The following FAAH variants were observed in gnomAD, a reference collection of about 807,000 sequenced individuals.
FAAH encodes the protein fatty-acid amide hydrolase 1.
A neutral mutation model predicts 69.7 loss-of-function variants in FAAH; 63 were observed. The observed-to-expected ratio is 0.90, with a 90% CI of 0.74 to 1.12. The LOEUF (loss-of-function observed/expected upper bound fraction) is 1.12. FAAH is among the 50% of genes most tolerant of loss of function. The probability of loss-of-function intolerance (pLI) is 0.00; values close to 1 mark genes in which losing one functional copy is unlikely to be tolerated. For missense variants in FAAH, 680 were observed against 755.0 expected (o/e 0.90, Z 1.16); for synonymous variants, 305 against 324.2 (o/e 0.94, Z 0.64).
At position 46,394,551 on chromosome 1, in the gene FAAH, C is replaced by G; in HGVS notation, c.195+8C>G. ...CAGCGCTTCCGGCTCCAGGTGACTGCCGGAGCGTAGTGGGATGGGCGCGGC... is the reference window on the plus strand; with the variant it reads ...CAGCGCTTCCGGCTCCAGGTGACTGGCGGAGCGTAGTGGGATGGGCGCGGC... On this transcript the variant is annotated splice_region_variant and intron_variant, in intron 1 of 14. Transcript: ENST00000243167. The G allele has an allele frequency of 7.4e-7, 1 of 1,347,788 alleles. No homozygotes were observed. Among genetic ancestry groups the G allele is most frequent in the East Asian group, 3.1e-5 (1 of 32,494 alleles). The allele number at this position is 1,347,788 out of a possible 1,614,324, so 83.5% of individuals were successfully genotyped here.
At position 46,405,821 on chromosome 1, in the gene FAAH, GCCC is replaced by G; in HGVS notation, c.785+29_785+31del. On this transcript the variant is annotated intron_variant, in intron 5 of 14. Coordinates refer to ENST00000243167, the MANE Select transcript of FAAH (RefSeq NM_001441.3). The surrounding 1 kb of genome is among the most constrained non-coding windows in gnomAD (Gnocchi z 4.1). ...TAAGGTGGGTGGAGGGCGCTTCTGG[GCCC>G]CTCGCTGTGTGACCTTGGCCTAGCT... The G allele has an allele frequency of 6.2e-7, 1 of 1,611,984 alleles. No individual in the cohort carries two copies. Among genetic ancestry groups the G allele is most frequent in the Non-Finnish European group, 8.5e-7 (1 of 1,179,430 alleles).
In FAAH at chr1:46,412,225, A is replaced by C. The variant is rs1052167250; in HGVS notation, c.1439A>C (p.Asp480Ala). 1.3e-6 allele frequency: 2 copies of C among 1,555,132 alleles called. No individual in the cohort carries two copies. The highest frequency in any genetic ancestry group is 1.7e-6 in the Non-Finnish European group (2 of 1,149,088). ...ACCCCCATGCTGGCCCCTGCTCTGG[A>C]CTTGAATGCCCCAGGCAGGGCCACA... ...VLTPMLAPAL[D>A]LNAPGRATGA... Residue 480 changes from aspartate to alanine, a missense_variant, in exon 13 of 15, where the codon GAC (aspartate) becomes GCC (alanine). Coordinates refer to ENST00000243167, the MANE Select transcript of FAAH (RefSeq NM_001441.3).
chr1:46,405,981 T>A lies in FAAH; in HGVS notation c.786-57T>A. The A allele has an allele frequency of 1.2e-6, 2 of 1,613,760 alleles. No homozygotes were observed. Among genetic ancestry groups the A allele is most frequent in the South Asian group, 2.2e-5 (2 of 91,068 alleles). ...AGTGTTCAGAGCTGCTCTGTGGGTG[T>A]GGGGATGGCGGCGGGTGGCCATTTC... On this transcript the variant is annotated intron_variant, in intron 5 of 14. Coordinates refer to ENST00000243167, the MANE Select transcript of FAAH (RefSeq NM_001441.3). The surrounding 1 kb of genome is among the most constrained non-coding windows in gnomAD (Gnocchi z 4.1).
Position 46,394,523 on chromosome 1 carries a change from G to T in FAAH, c.175G>T (p.Ala59Ser). 7.3e-7 allele frequency: 1 copy of T among 1,376,412 alleles called. No homozygotes were observed. The allele number at this position is 1,376,412 out of a possible 1,614,324, so 85.3% of individuals were successfully genotyped here. ...GGGCCTGGAGAACATGGACAGGGCG[G>T]CGCAGCGCTTCCGGCTCCAGGTGAC... The part of the protein sequence containing the change: ...RAGLENMDRA[A>S]QRFRLQNPDL... The change falls in exon 1 of 15, where the codon GCG becomes TCG. Residue 59 changes from alanine to serine, a missense_variant. Transcript: ENST00000243167.
Position 46,405,842 on chromosome 1 carries a change from G to T in FAAH, c.785+48G>T. 1 of 1,609,502 alleles carries T rather than the reference G, an allele frequency of 6.2e-7. No individual in the cohort carries two copies. Among genetic ancestry groups the T allele is most frequent in the African/African-American group, 1.3e-5 (1 of 74,952 alleles). ...CTGGGCCCCTCGCTGTGTGACCTTG[G>T]CCTAGCTTCCAACCTCTCTGGGCTC... is the stretch of plus-strand genomic sequence containing the variant. On this transcript the variant is annotated intron_variant, in intron 5 of 14. Coordinates refer to ENST00000243167, the MANE Select transcript of FAAH (RefSeq NM_001441.3). This position sits in a 1 kb window ranked among gnomAD's most constrained non-coding sequence, Gnocchi z 4.1.
rs78460324 is a variant in FAAH, at chr1:46,407,925, G to A, written c.952-534G>A. On this transcript the variant is annotated intron_variant, in intron 7 of 14. Coordinates refer to ENST00000243167, the MANE Select transcript of FAAH (RefSeq NM_001441.3). ...GTGGACGGGAAGGAGAGTGGGCCTT[G>A]GTGTTTCTTGGGAGTGGGGCAGCAG... is the stretch of plus-strand genomic sequence containing the variant. Among the ~76,000 whole-genome samples the A allele has an allele frequency of 2.0e-3, 299 of 152,286 alleles. 5 individuals are homozygous for A. In the Middle Eastern group the frequency reaches 0.037, roughly 19 times the overall value.
At position 46,394,361 on chromosome 1, in the gene FAAH, G is replaced by T; in HGVS notation, c.13G>T (p.Glu5Ter). MVQY[E>*]LWAALPGASG... is the part of the protein sequence containing the mutation. Reference sequence around the variant, plus strand: ...GGCTGAAGGGATCATGGTGCAGTACGAGCTGTGGGCCGCGCTGCCTGGCGC... The same window carrying T: ...GGCTGAAGGGATCATGGTGCAGTACTAGCTGTGGGCCGCGCTGCCTGGCGC... Residue 5 changes from glutamate to a stop codon, truncating the protein, a stop_gained, in exon 1 of 15, where the codon GAG becomes TAG. Coordinates refer to ENST00000243167, the MANE Select transcript of FAAH (RefSeq NM_001441.3). LOFTEE classifies it high-confidence loss of function. 6.4e-7 allele frequency: 1 copy of T among 1,554,414 alleles called. No homozygotes were observed. Among genetic ancestry groups the T allele is most frequent in the African/African-American group, 1.4e-5 (1 of 70,468 alleles).
At chr1:46,409,676 G>A (rs993939731) in intron 9 of FAAH, among the ~76,000 whole-genome samples, 5 of 152,128 alleles carry the variant, frequency 3.3e-5, no homozygotes, top group Non-Finnish European at 5.9e-5. Context: ...AGAGAAGTTC[G>A]TTCCTCTGGG....
At chr1:46,406,429 T>C (rs1229172740) in intron 7 of FAAH, 61 bp downstream of exon 7, 3 of 1,609,320 alleles carry the variant, frequency 1.9e-6, no homozygotes, top group Non-Finnish European at 2.5e-6. Flanking sequence ...ACCCCAGGCC[T>C]TGTGGGCAGG....
chr1:46,405,801 TG>T lies in FAAH; in HGVS notation c.785+10del, dbSNP rs1207199306. ...CCACAGGGAACCGCCTCAGGTAAGG[TG>T]GGTGGAGGGCGCTTCTGGGCCCCTC... On this transcript the variant is annotated splice_region_variant and intron_variant, in intron 5 of 14. Transcript: ENST00000243167. This position sits in a 1 kb window ranked among gnomAD's most constrained non-coding sequence, Gnocchi z 4.1. 1 of 1,612,914 alleles carries T rather than the reference TG, an allele frequency of 6.2e-7. No homozygotes were observed. Among genetic ancestry groups the T allele is most frequent in the Non-Finnish European group, 8.5e-7 (1 of 1,179,888 alleles).
Position 46,413,355 on chromosome 1 carries a change from G to T in FAAH, c.1612-92G>T, listed in dbSNP as rs41294524. 1.7e-3 allele frequency: 2,756 copies of T among 1,610,176 alleles called. 31 individuals carry two copies. In the East Asian group the frequency reaches 0.021, roughly 12 times the overall value. On this transcript the variant is annotated intron_variant, in intron 14 of 14. Transcript: ENST00000243167. ...CTGAAGGACTATGGCCTGGCCCTAC[G>T]TTGTGGCCTCTCTCTAGCTGGGTGC...
chr1:46,396,790 T>C (rs1285063729), intron 1 of FAAH, among the ~76,000 whole-genome samples: 1 of 152,186 alleles, frequency 6.6e-6, no homozygotes, highest in African/African-American at 2.4e-5. Context: ...ATTTCTTATG[T>C]CTACTTCTTT....
rs1557760088 is a variant in FAAH at position 46,407,543 on chromosome 1, GA to G, written c.952-915del. ...GCTCATCCCCTACTGCGGGGCATCT[GA>G]GACCAGTATTTTGCTCTCTTGAGTG... On this transcript the variant is annotated intron_variant, in intron 7 of 14. Coordinates refer to ENST00000243167, the MANE Select transcript of FAAH (RefSeq NM_001441.3). Among the ~76,000 whole-genome samples, 3 of 152,242 alleles carry G rather than the reference GA, an allele frequency of 2.0e-5. No individual in the cohort carries two copies. In the East Asian group the frequency reaches 5.8e-4, roughly 29 times the overall value.
Position 46,405,812 on chromosome 1 carries a change from C to G in FAAH, c.785+18C>G, listed in dbSNP as rs201518066. On this transcript the variant is annotated intron_variant, in intron 5 of 14. Coordinates refer to ENST00000243167, the MANE Select transcript of FAAH (RefSeq NM_001441.3). The surrounding 1 kb of genome is among the most constrained non-coding windows in gnomAD (Gnocchi z 4.1). ...CGCCTCAGGTAAGGTGGGTGGAGGG[C>G]GCTTCTGGGCCCCTCGCTGTGTGAC... The G allele has an allele frequency of 6.2e-7, 1 of 1,612,670 alleles. No homozygotes were observed. The highest frequency in any genetic ancestry group is 8.5e-7 in the Non-Finnish European group (1 of 1,179,700).
intron 1 of FAAH, among the ~76,000 whole-genome samples, chr1:46,401,261 C>G (rs1285935394): frequency 6.6e-6 from 1 of 151,710 alleles, no homozygotes; most frequent in Non-Finnish European, 1.5e-5. Context: ...GAGAAGGTAC[C>G]CAGAGCTCTG....
rs761912937 is a variant in FAAH, at chr1:46,405,520, TGGGGCGGGGC to T, written c.578+21_578+30del. ...TCCATGTTCAGGTTGGGTCTTGGGG[TGGGGCGGGGC>T]GGGGCAGGGGCACCGGTCCCAGCAT... On this transcript the variant is annotated intron_variant, in intron 4 of 14. Transcript: ENST00000243167. This position sits in a 1 kb window ranked among gnomAD's most constrained non-coding sequence, Gnocchi z 4.1. 3 of 200,814 alleles carry T rather than the reference TGGGGCGGGGC, an allele frequency of 1.5e-5. No individual in the cohort carries two copies. Among genetic ancestry groups the T allele is most frequent in the Non-Finnish European group, 3.1e-5 (3 of 97,698 alleles). The allele number at this position is 200,814 out of a possible 1,614,324, so 12.4% of individuals were successfully genotyped here. A position where few individuals can be genotyped will look rare whatever the true frequency, so the allele number is the denominator to read the frequency against.
In FAAH at chr1:46,405,431, C is replaced by T. The variant is rs754902039; in HGVS notation, c.504C>T (p.Ser168=). The T allele has an allele frequency of 3.5e-5, 57 of 1,608,468 alleles. 1 individual carries two copies. The highest frequency in any genetic ancestry group is 3.0e-4 in the Admixed American group (18 of 59,498). Residue 168 remains serine (S), a synonymous_variant, in exon 4 of 15, where the codon AGC becomes AGT. Coordinates refer to ENST00000243167, the MANE Select transcript of FAAH (RefSeq NM_001441.3). The surrounding 1 kb of genome is among the most constrained non-coding windows in gnomAD (Gnocchi z 4.1). ...LNEGVPAECD[S]VVVHVLKLQG... ...AAGGGGTGCCGGCGGAGTGCGACAG[C>T]GTAGTGGTGCATGTGCTGAAGCTGC...
In FAAH at chr1:46,410,534, G is replaced by T. The variant is rs200522724; in HGVS notation, c.1275+37G>T. Reference sequence around the variant, plus strand: ...AGGAGTGGAGGGGCTAGGATGGCTGGGGGGGAACCTAGGGCCTCCTATCGC... The same window carrying T: ...AGGAGTGGAGGGGCTAGGATGGCTGTGGGGGAACCTAGGGCCTCCTATCGC... On this transcript the variant is annotated intron_variant, in intron 10 of 14. Coordinates refer to ENST00000243167, the MANE Select transcript of FAAH (RefSeq NM_001441.3). The surrounding 1 kb of genome is among the most constrained non-coding windows in gnomAD (Gnocchi z 4.9). 5.4e-5 allele frequency: 85 copies of T among 1,579,066 alleles called. No homozygotes were observed. Among genetic ancestry groups the T allele is most frequent in the Non-Finnish European group, 7.0e-5 (80 of 1,149,124 alleles).
rs949204155 is a variant in FAAH, at chr1:46,394,441, G to T, written c.93G>T (p.Trp31Cys). The T allele has an allele frequency of 1.4e-5, 20 of 1,394,934 alleles. No individual in the cohort carries two copies. Among genetic ancestry groups the T allele is most frequent in the South Asian group, 1.3e-4 (8 of 61,458 alleles). 86.4% of individuals were successfully genotyped at this position (1,394,934 alleles called of 1,614,324 possible). Reference protein sequence around the residue: ...CFVAAAVALRWSGRRTARGAV... With the variant: ...CFVAAAVALRCSGRRTARGAV... ...TGGCGGCGGCCGTGGCCCTGCGCTG[G>T]TCCGGGCGCCGGACGGCGCGGGGCG... The change falls in exon 1 of 15, where the codon TGG becomes TGT. Residue 31 changes from tryptophan to cysteine, a missense_variant. By Grantham distance (215) the Trp-to-Cys change is radical (BLOSUM62 -2). Transcript: ENST00000243167.
Sources: allele counts gnomAD v4.1 joint callset (sites outside exome capture counted in the v4.1 genomes callset), GRCh38; gene constraint gnomAD v4.1.1; non-coding constraint Gnocchi (gnomAD v3.1); transcripts MANE v1.5; gene names NCBI Gene and HGNC (gene_info 2026-07-23, HGNC 2026-07-21).